Variants in TMEM63A observed in about 807,000 individuals in gnomAD.
TMEM63A encodes the protein transmembrane protein 63A.
In TMEM63A, 76 loss-of-function variants were observed where a neutral mutation model predicts 100.6. The ratio of observed to expected loss-of-function variants is 0.76; its 90% CI spans 0.63 to 0.91. TMEM63A has a LOEUF of 0.91. Ranked by LOEUF, TMEM63A falls within the 40% of genes least tolerant of loss-of-function variation. The pLI is 0.00. For missense variants in TMEM63A, 876 were observed against 1,008.8 expected, an observed-to-expected ratio of 0.87 and a Z score of 1.78; for synonymous variants, 401 against 401.1, an observed-to-expected ratio of 1.00 and a Z score of 0.00.
At chr1:225,876,275 T>A (rs1670798165) in intron 3 of TMEM63A, among the ~76,000 whole-genome samples, 1 of 151,054 alleles carries the variant, frequency 6.6e-6, no homozygotes, top group Non-Finnish European at 1.5e-5. Flanking sequence ...ATCCCACCAA[T>A]TCTGAAATCC....
intron 18 of TMEM63A, among the ~76,000 whole-genome samples, chr1:225,854,895 T>G (rs12405730): frequency 0.049 from 7,401 of 152,296 alleles, 235 homozygotes; most frequent in Non-Finnish European, 0.071. Flanking sequence ...AAGAGGATGC[T>G]GCGAGATGAG....
intron 5 of TMEM63A, chr1:225,871,465 G>T: frequency 3.9e-6 from 1 of 253,976 alleles, no homozygotes; most frequent in Non-Finnish European, 7.7e-6. Context: ...TGGATTGGAC[G>T]GTCCGCTGGA....
chr1:225,877,035 G>A (rs1240579237), intron 3 of TMEM63A, among the ~76,000 whole-genome samples: 1 of 152,060 alleles, frequency 6.6e-6, no homozygotes, highest in Non-Finnish European at 1.5e-5. Context: ...ATTCTAGTCC[G>A]TACTCTCCAG....
chr1:225,850,017 G>A lies in TMEM63A; in HGVS notation c.1966C>T (p.Pro656Ser). The A allele has an allele frequency of 6.2e-7, 1 of 1,614,244 alleles. No individual in the cohort carries two copies. Among genetic ancestry groups the A allele is most frequent in the Non-Finnish European group, 8.5e-7 (1 of 1,180,042 alleles). Residue 656 changes from proline (P) to serine (S), a missense_variant, in exon 21 of 25, where the codon CCA (proline) becomes TCA (serine). Pro to Ser is a moderately conservative substitution (Grantham distance 74, BLOSUM62 -1). Coordinates refer to ENST00000366835, the MANE Select transcript of TMEM63A (RefSeq NM_014698.3). ...DRHNLYFVYL[P>S]AKLEKGIHFA... ...TGGATCCCCTTCTCCAGCTTGGCTG[G>A]GAGGTAGACGAAGTAGAGGTTGTGC...
chr1:225,868,912 A>C (rs2102633251), intron 6 of TMEM63A, among the ~76,000 whole-genome samples: 1 of 152,052 alleles, frequency 6.6e-6, no homozygotes, highest in Non-Finnish European at 1.5e-5. Flanking sequence ...TCCACTGGGG[A>C]CTCAGAAATT....
chr1:225,872,945 C>G (rs1235486610), intron 4 of TMEM63A, among the ~76,000 whole-genome samples: 1 of 152,112 alleles, frequency 6.6e-6, no homozygotes, highest in Non-Finnish European at 1.5e-5. Context: ...ACCCCCGCCT[C>G]GGCCTCCCAA....
intron 4 of TMEM63A, among the ~76,000 whole-genome samples, chr1:225,873,797 A>G (rs112329029): frequency 4.5e-4 from 68 of 152,300 alleles, no homozygotes; most frequent in African/African-American, 1.5e-3. Context: ...CCTGGCCCCA[A>G]GCTAATTAAT....
intron 3 of TMEM63A, among the ~76,000 whole-genome samples, chr1:225,876,023 G>A (rs1249357859): frequency 8.6e-6 from 1 of 115,772 alleles, no homozygotes; most frequent in Non-Finnish European, 1.6e-5. Context: ...TTGTGATTAT[G>A]CCACTGTACT....
chr1:225,848,779 T>C (rs1669162510), intron 22 of TMEM63A, 118 bp downstream of exon 22: 2 of 931,802 alleles, frequency 2.1e-6, no homozygotes, highest in Admixed American at 4.5e-5. Flanking sequence ...AGAAGCAGAA[T>C]CTGGAGAAGG....
Position 225,846,908 on chromosome 1 carries a change from TTG to T in TMEM63A, c.*29_*30del, listed in dbSNP as rs1390056568. ...GGGCCTGAGCCCCAGGCCATTCTGGTTGTGTCTTTTCAGAGCAGTGAGACCTA... is the reference window on the plus strand; with the variant it reads ...GGGCCTGAGCCCCAGGCCATTCTGGTTGTCTTTTCAGAGCAGTGAGACCTA... On this transcript the variant is annotated 3_prime_UTR_variant, in exon 25 of 25. Transcript: ENST00000366835. 1.4e-5 allele frequency: 16 copies of T among 1,149,268 alleles called. No individual in the cohort carries two copies. Among genetic ancestry groups the T allele is most frequent in the Non-Finnish European group, 1.8e-5 (15 of 843,178 alleles). The allele number at this position is 1,149,268 out of a possible 1,614,324, so 71.2% of individuals were successfully genotyped here.
chr1:225,862,863 G>A lies in TMEM63A; in HGVS notation c.747-12C>T. 6.2e-7 allele frequency: 1 copy of A among 1,613,390 alleles called. No homozygotes were observed. The highest frequency in any genetic ancestry group is 8.5e-7 in the Non-Finnish European group (1 of 1,179,774). The stretch of plus-strand genomic sequence containing the variant: ...TGGGATACGCGTCCCTGTGGCCAGG[G>A]AGAGAAGGAGGCAAAAGACACCGTT... On this transcript the variant is annotated splice_polypyrimidine_tract_variant and intron_variant, in intron 10 of 24. Transcript: ENST00000366835. The surrounding 1 kb of genome is among the most constrained non-coding windows in gnomAD (Gnocchi z 5.1).
At chr1:225,876,246 C>A (rs1670796749) in intron 3 of TMEM63A, among the ~76,000 whole-genome samples, 1 of 151,776 alleles carries the variant, frequency 6.6e-6, no homozygotes, top group Non-Finnish European at 1.5e-5. Flanking sequence ...CCCTGAAGAC[C>A]CAAGGCCACC....
chr1:225,852,807 TCCACC>T (rs760139548), intron 19 of TMEM63A, 38 bp from the exon 20 acceptor site: 1 of 1,582,854 alleles, frequency 6.3e-7, no homozygotes, highest in Admixed American at 1.7e-5. Context: ...ATGGACTTGT[TCCACC>T]TCAAACACCC....
chr1:225,880,536 T>C (rs564093373), intron 1 of TMEM63A, among the ~76,000 whole-genome samples: 2 of 152,100 alleles, frequency 1.3e-5, no homozygotes, highest in Non-Finnish European at 2.9e-5. Flanking sequence ...TGAGAACCCC[T>C]GGCAATATTC....
At chr1:225,845,525 A>G, downstream of TMEM63A, 1 of 643,686 alleles carries the variant, frequency 1.6e-6, no homozygotes. Flanking sequence ...CCGTGTGGTA[A>G]GCAACATGGC....
At chr1:225,845,412 G>A, downstream of TMEM63A, 1 of 1,500,628 alleles carries the variant, frequency 6.7e-7, no homozygotes, top group Non-Finnish European at 9.0e-7. Flanking sequence ...TCTTGGGGAA[G>A]ATACCCCTTT....
Position 225,856,906 on chromosome 1 carries a change from C to G in TMEM63A, c.1484+5G>C, listed in dbSNP as rs1444892136. The G allele has an allele frequency of 6.2e-7, 1 of 1,610,166 alleles. No homozygotes were observed. Among genetic ancestry groups the G allele is most frequent in the East Asian group, 2.2e-5 (1 of 44,812 alleles). On this transcript the variant is annotated splice_donor_5th_base_variant and intron_variant, in intron 16 of 24. Transcript: ENST00000366835. ...GGCAGGGCCTCGGGGCTCCCGGGCA[C>G]TCACTTGGTCCAGTGAGACTCCAGC...
Position 225,859,356 on chromosome 1 carries a change from C to T in TMEM63A, c.1224-7G>A, listed in dbSNP as rs768972255. On this transcript the variant is annotated splice_polypyrimidine_tract_variant and splice_region_variant and intron_variant, in intron 14 of 24. Coordinates refer to ENST00000366835, the MANE Select transcript of TMEM63A (RefSeq NM_014698.3). Reference sequence around the variant, plus strand: ...CTGGATAGAGAGGTTCTTCCTGCAGCGGGAGAGGGGATACAGGTCTCGAGG... The same window carrying T: ...CTGGATAGAGAGGTTCTTCCTGCAGTGGGAGAGGGGATACAGGTCTCGAGG... 4.3e-5 allele frequency: 70 copies of T among 1,613,282 alleles called. 3 individuals carry two copies. In the South Asian group the frequency reaches 6.9e-4, roughly 16 times the overall value.
rs990760666 is a variant in TMEM63A at position 225,848,642 on chromosome 1, G to A, written c.2188-88C>T. ...CCAAACACACAGACTATTAACACCCGGAATAATAGTACCAGCTGGCACCAA... is the reference window on the plus strand; with the variant it reads ...CCAAACACACAGACTATTAACACCCAGAATAATAGTACCAGCTGGCACCAA... On this transcript the variant is annotated intron_variant, in intron 22 of 24. Coordinates refer to ENST00000366835, the MANE Select transcript of TMEM63A (RefSeq NM_014698.3). 298 of 1,399,794 alleles carry A rather than the reference G, an allele frequency of 2.1e-4. 3 individuals carry two copies. The Admixed American group carries it at 4.7e-3, about 22-fold the overall frequency. The allele number at this position is 1,399,794 out of a possible 1,614,324, so 86.7% of individuals were successfully genotyped here. A position where few individuals can be genotyped will look rare whatever the true frequency, so the allele number is the denominator to read the frequency against.
Sources: gnomAD v4.1 joint callset for allele counts (sites outside exome capture counted in the v4.1 genomes callset) on GRCh38, gnomAD v4.1.1 for gene constraint, Gnocchi (gnomAD v3.1) non-coding constraint, MANE v1.5 for transcripts, NCBI Gene and HGNC (gene_info 2026-07-23, HGNC 2026-07-21) for gene names.